MAST4: variants seen among roughly 807,000 people sequenced by gnomAD.
MAST4 encodes the protein microtubule associated serine/threonine kinase family member 4, also known as microtubule-associated serine/threonine-protein kinase 4.
Under a neutral mutation model 162.7 loss-of-function variants are expected in MAST4, and 89 were observed. The observed-to-expected ratio is 0.55, with a 90% confidence interval of 0.46 to 0.65. The LOEUF (loss-of-function observed/expected upper bound fraction) is 0.65. MAST4 is among the 30% of genes least tolerant of loss of function. The probability of loss-of-function intolerance (pLI) is 0.00; values close to 1 mark genes in which losing one functional copy is unlikely to be tolerated. For missense variants in MAST4, 3,153 were observed against 3,374.0 expected, an observed-to-expected ratio of 0.93 and a Z score of 1.62; for synonymous variants, 1,479 against 1,361.1, an observed-to-expected ratio of 1.09 and a Z score of -1.91.
chr5:66,907,600 G>A (rs1430366660), intron 4 of MAST4, among the ~76,000 whole-genome samples: 4,451 of 144,208 alleles, frequency 0.031, 182 homozygotes, highest in African/African-American at 0.091. Context: ...GTGTGTGTGT[G>A]TGTGTGTGTG....
At chr5:67,132,037 T>G in intron 16 of MAST4, 86 bp downstream of exon 16, 1 of 1,422,986 alleles carries the variant, frequency 7.0e-7, no homozygotes. Context: ...TTAGTCAATG[T>G]ACATTTTTAA....
At chr5:66,706,267 C>T (rs1242405687) in intron 1 of MAST4, among the ~76,000 whole-genome samples, 4 of 152,074 alleles carry the variant, frequency 2.6e-5, no homozygotes, top group Non-Finnish European at 4.4e-5. Flanking sequence ...CTTAGATGAG[C>T]GAATCCATGC....
chr5:67,026,627 G>A (rs531929914), intron 4 of MAST4, among the ~76,000 whole-genome samples: 1 of 149,382 alleles, frequency 6.7e-6, no homozygotes, highest in East Asian at 1.9e-4. Context: ...TTGTTGTTAT[G>A]GATCAATACA....
rs116640243 is a variant in MAST4 at position 67,028,515 on chromosome 5, G to A, written c.675-25889G>A. 1.5e-3 allele frequency among the ~76,000 whole-genome samples: 233 copies of A among 152,242 alleles called. 2 individuals carry two copies. Among genetic ancestry groups the A allele is most frequent in the African/African-American group, 5.5e-3 (229 of 41,566 alleles). Reference sequence around the variant, plus strand: ...GCATCACGGGCTTCTGGGGCAGATGGTGATGATGCCACAAGCAGGCTGGTG... The same window carrying A: ...GCATCACGGGCTTCTGGGGCAGATGATGATGATGCCACAAGCAGGCTGGTG... On this transcript the variant is annotated intron_variant, in intron 4 of 28. Coordinates refer to ENST00000403625, the MANE Select transcript of MAST4 (RefSeq NM_001164664.2).
intron 4 of MAST4, among the ~76,000 whole-genome samples, chr5:66,994,060 A>T (rs1242227564): frequency 2.0e-5 from 3 of 151,980 alleles, no homozygotes; most frequent in Non-Finnish European, 4.4e-5. Flanking sequence ...TGGGAGAGTG[A>T]TATGACTGCG....
chr5:67,167,103 G>C lies in MAST4; in HGVS notation c.*52G>C, dbSNP rs1774145338. 1.4e-6 allele frequency: 2 copies of C among 1,454,800 alleles called. No homozygotes were observed. The highest frequency in any genetic ancestry group is 1.4e-5 in the African/African-American group (1 of 70,586). The allele number at this position is 1,454,800 out of a possible 1,614,324, so 90.1% of individuals were successfully genotyped here. On this transcript the variant is annotated 3_prime_UTR_variant, in exon 29 of 29. Coordinates refer to ENST00000403625, the MANE Select transcript of MAST4 (RefSeq NM_001164664.2). ...GGAGACCCGTCCTGAACGGGCGACT[G>C]TGTCTTGACTACCTTTCAAAACCAG...
At chr5:66,993,640 C>T (rs1227029153) in intron 4 of MAST4, among the ~76,000 whole-genome samples, 1 of 152,088 alleles carries the variant, frequency 6.6e-6, no homozygotes, top group Non-Finnish European at 1.5e-5. Flanking sequence ...GGAAGAGGAA[C>T]AGGATGTGCA....
intron 4 of MAST4, among the ~76,000 whole-genome samples, chr5:67,005,996 TC>T (rs1751984204): frequency 6.6e-6 from 1 of 152,274 alleles, no homozygotes; most frequent in Non-Finnish European, 1.5e-5. Flanking sequence ...GCTTCAGTGT[TC>T]AAAGAACCCA....
chr5:66,937,639 A>C (rs905054995), intron 4 of MAST4, among the ~76,000 whole-genome samples: 1 of 152,048 alleles, frequency 6.6e-6, no homozygotes, highest in Non-Finnish European at 1.5e-5. Context: ...ACAGGTTTTT[A>C]TGTAGTACGT....
At chr5:67,061,729 C>A (rs73768180) in intron 5 of MAST4, among the ~76,000 whole-genome samples, 1,978 of 151,472 alleles carry the variant, frequency 0.013, 43 homozygotes, top group African/African-American at 0.045. Context: ...TTAACAAGTT[C>A]AGCACCAGTG....
intron 3 of MAST4, among the ~76,000 whole-genome samples, chr5:66,839,551 C>A (rs1417227516): frequency 2.0e-5 from 3 of 151,902 alleles, no homozygotes; most frequent in African/African-American, 7.2e-5. Flanking sequence ...TAGTATCAGG[C>A]CTTGAAAATA....
intron 5 of MAST4, among the ~76,000 whole-genome samples, chr5:67,065,325 C>T (rs1760102079): frequency 6.6e-6 from 1 of 152,146 alleles, no homozygotes; most frequent in African/African-American, 2.4e-5. Flanking sequence ...ATTTCTGTGG[C>T]TTTGGCTTTT....
intron 4 of MAST4, among the ~76,000 whole-genome samples, chr5:67,022,541 C>T (rs888140345): frequency 2.0e-5 from 3 of 152,032 alleles, no homozygotes; most frequent in African/African-American, 7.2e-5. Flanking sequence ...AACAAGGAGG[C>T]AGGCAGCAGG....
chr5:66,911,849 A>G (rs1763799387), intron 4 of MAST4, among the ~76,000 whole-genome samples: 1 of 152,136 alleles, frequency 6.6e-6, no homozygotes, highest in East Asian at 1.9e-4. Flanking sequence ...AGAAAATGCT[A>G]ATTTAGCTTA....
Position 66,835,055 on chromosome 5 carries a change from C to T in MAST4, c.642+46261C>T, listed in dbSNP as rs146720185. Among the ~76,000 whole-genome samples the T allele has an allele frequency of 7.6e-3, 1,161 of 152,280 alleles. 11 individuals carry two copies. Among genetic ancestry groups the T allele is most frequent in the African/African-American group, 0.026 (1,096 of 41,546 alleles). ...AATGCAATGCACCTACACCACCCATCTCTGCTCCCCTTGAAACCCCTTACA... is the reference window on the plus strand; with the variant it reads ...AATGCAATGCACCTACACCACCCATTTCTGCTCCCCTTGAAACCCCTTACA... On this transcript the variant is annotated intron_variant, in intron 3 of 28. Transcript: ENST00000403625.
intron 4 of MAST4, among the ~76,000 whole-genome samples, chr5:67,028,806 A>C (rs1259563989): frequency 6.6e-6 from 1 of 152,064 alleles, no homozygotes; most frequent in East Asian, 1.9e-4. Flanking sequence ...ATCTGGATGG[A>C]AGGCAAGAGA....
intron 1 of MAST4, among the ~76,000 whole-genome samples, chr5:66,686,518 C>G (rs1330183000): frequency 6.6e-6 from 1 of 152,144 alleles, no homozygotes; most frequent in Non-Finnish European, 1.5e-5. Context: ...TGTTCCTTAA[C>G]ATTACTCAGC....
At chr5:66,751,772 C>A (rs1263302746) in intron 1 of MAST4, among the ~76,000 whole-genome samples, 1 of 149,768 alleles carries the variant, frequency 6.7e-6, no homozygotes, top group Non-Finnish European at 1.5e-5. Flanking sequence ...GGCCAACGTT[C>A]AGATTCAGGA....
intron 5 of MAST4, among the ~76,000 whole-genome samples, chr5:67,059,167 T>C (rs969157489): frequency 6.6e-6 from 1 of 152,232 alleles, no homozygotes; most frequent in Non-Finnish European, 1.5e-5. Context: ...AGCAAGGAGC[T>C]GCTTTTCAGC....
Sources: gnomAD v4.1 joint callset for allele counts (sites outside exome capture counted in the v4.1 genomes callset) on GRCh38, gnomAD v4.1.1 for gene constraint, MANE v1.5 for transcripts, NCBI Gene and HGNC (gene_info 2026-07-23, HGNC 2026-07-21) for gene names.